The following BBX variants were observed in gnomAD, a reference collection of about 807,000 sequenced individuals.
The protein encoded by BBX is HMG box transcription factor BBX.
A neutral mutation model predicts 100.2 loss-of-function variants in BBX; 30 were observed. The ratio of observed to expected loss-of-function variants is 0.30; its 90% CI spans 0.22 to 0.41. The LOEUF (loss-of-function observed/expected upper bound fraction) is 0.41. BBX is among the 10% of genes least tolerant of loss of function. The pLI, the probability that BBX is intolerant of heterozygous loss-of-function variation, is 1.00. For missense variants in BBX, 1,023 were observed against 1,129.8 expected (o/e 0.91, Z 1.35); for synonymous variants, 376 against 388.1 (o/e 0.97, Z 0.37).
intron 2 of BBX, among the ~76,000 whole-genome samples, chr3:107,571,414 C>T (rs898462597): frequency 3.3e-5 from 5 of 152,064 alleles, no homozygotes; most frequent in African/African-American, 9.7e-5. Context: ...TGACTGGCGC[C>T]GGAGTTTTGG....
chr3:107,758,340 C>T (rs1290847477), intron 10 of BBX, among the ~76,000 whole-genome samples: 18 of 152,254 alleles, frequency 1.2e-4, no homozygotes, highest in Admixed American at 1.1e-3. Flanking sequence ...TGGAGAGACT[C>T]GGAATGGCCC....
intron 17 of BBX, among the ~76,000 whole-genome samples, chr3:107,803,959 T>TG (rs2070807064): frequency 6.6e-6 from 1 of 151,422 alleles, no homozygotes; most frequent in Non-Finnish European, 1.5e-5. Flanking sequence ...TTTTGTTTTT[T>TG]TTTTTCCTTT....
At chr3:107,551,479 C>T (rs562468236) in intron 2 of BBX, among the ~76,000 whole-genome samples, 5 of 152,284 alleles carry the variant, frequency 3.3e-5, no homozygotes, top group African/African-American at 9.6e-5. Flanking sequence ...AAGCATTCTT[C>T]GGAAAAACCG....
chr3:107,583,959 ATATATTATATATATTAT>A (rs1559839199), intron 2 of BBX, among the ~76,000 whole-genome samples: 10 of 78,576 alleles, frequency 1.3e-4, no homozygotes, highest in African/African-American at 6.0e-4. Context: ...ATTATATTAT[ATATATTATATATATTAT>A]TATATTATTA....
chr3:107,734,022 C>A (rs2063485891), intron 7 of BBX, among the ~76,000 whole-genome samples: 1 of 152,062 alleles, frequency 6.6e-6, no homozygotes, highest in African/African-American at 2.4e-5. Flanking sequence ...TTTTCAATCC[C>A]CAACCAGAAT....
At position 107,744,632 on chromosome 3, in the gene BBX, A is replaced by G. The variant is rs754335242; in HGVS notation, c.672A>G (p.Val224=). ...AGEHALGTPE[V]SSGTCRPDVS... is the part of the protein sequence containing the mutation. ...TATGATATCTTTCTTTGTTTCAGGTATCCTCTGGCACATGCAGGCCTGATG... is the reference window on the plus strand; with the variant it reads ...TATGATATCTTTCTTTGTTTCAGGTGTCCTCTGGCACATGCAGGCCTGATG... The change falls in exon 8 of 18, where the codon GTA becomes GTG. Residue 224 remains valine, a splice_region_variant and synonymous_variant. Transcript: ENST00000325805. The G allele has an allele frequency of 6.2e-7, 1 of 1,611,934 alleles. No homozygotes were observed. The highest frequency in any genetic ancestry group is 2.2e-5 in the East Asian group (1 of 44,802).
intron 2 of BBX, among the ~76,000 whole-genome samples, chr3:107,533,729 C>T (rs551110210): frequency 6.6e-6 from 1 of 152,164 alleles, no homozygotes; most frequent in South Asian, 2.1e-4. Context: ...AAAAATGTTT[C>T]TTATGTTTCT....
intron 2 of BBX, among the ~76,000 whole-genome samples, chr3:107,645,512 A>G (rs548634515): frequency 6.0e-4 from 92 of 152,154 alleles, no homozygotes; most frequent in African/African-American, 2.1e-3. Context: ...TTTCCAGGGG[A>G]TTTGCCTGTA....
chr3:107,588,204 C>T (rs1455145701), intron 2 of BBX, among the ~76,000 whole-genome samples: 1 of 152,078 alleles, frequency 6.6e-6, no homozygotes, highest in Non-Finnish European at 1.5e-5. Flanking sequence ...TCTGCTTGGT[C>T]AGCTAAGGCT....
At chr3:107,785,477 A>G (rs1305771607) in intron 13 of BBX, among the ~76,000 whole-genome samples, 1 of 152,080 alleles carries the variant, frequency 6.6e-6, no homozygotes, top group Non-Finnish European at 1.5e-5. Context: ...AGAATTATAC[A>G]TCATGACTAA....
chr3:107,801,274 G>T lies in BBX; in HGVS notation c.2731G>T (p.Val911Leu), dbSNP rs147479819. ...GGCTGAAGTGGCAGCCATGGAAAAT[G>T]TGCACAGGTTAGTGGTAGAAGGTGG... ...ALAEVAAMEN[V>L]HRGQRSTPLT... Residue 911 changes from valine (V) to leucine (L), a missense_variant, in exon 17 of 18, where the codon GTG becomes TTG. Coordinates refer to ENST00000325805, the MANE Select transcript of BBX (RefSeq NM_001142568.3). The T allele has an allele frequency of 6.2e-7, 1 of 1,613,966 alleles. No individual in the cohort carries two copies. Among genetic ancestry groups the T allele is most frequent in the Non-Finnish European group, 8.5e-7 (1 of 1,179,932 alleles).
intron 2 of BBX, among the ~76,000 whole-genome samples, chr3:107,604,058 G>A (rs969507429): frequency 2.6e-5 from 4 of 152,034 alleles, no homozygotes; most frequent in African/African-American, 4.8e-5. Flanking sequence ...GTGTAGCTGC[G>A]TATTGGAACC....
At chr3:107,541,033 T>C (rs1438307911) in intron 2 of BBX, among the ~76,000 whole-genome samples, 1 of 152,234 alleles carries the variant, frequency 6.6e-6, no homozygotes, top group Non-Finnish European at 1.5e-5. Flanking sequence ...TCTTTCTCCT[T>C]TAGTGGCTGG....
intron 3 of BBX, among the ~76,000 whole-genome samples, chr3:107,693,503 A>G (rs1172895611): frequency 6.6e-6 from 1 of 151,260 alleles, no homozygotes; most frequent in Non-Finnish European, 1.5e-5. Flanking sequence ...AAGATCAGAT[A>G]GTTGTAGATA....
At chr3:107,641,358 T>A (rs926069602) in intron 2 of BBX, among the ~76,000 whole-genome samples, 9 of 152,194 alleles carry the variant, frequency 5.9e-5, no homozygotes, top group African/African-American at 2.2e-4. Context: ...GTGCTGGGAT[T>A]ATAGGCGTCA....
intron 9 of BBX, among the ~76,000 whole-genome samples, chr3:107,749,748 C>T (rs2064921989): frequency 6.6e-6 from 1 of 152,030 alleles, no homozygotes. Context: ...ATTCTCCTGC[C>T]TCAGCCTCCT....
At chr3:107,691,145 G>A (rs187462576) in intron 3 of BBX, among the ~76,000 whole-genome samples, 122 of 151,914 alleles carry the variant, frequency 8.0e-4, no homozygotes, top group East Asian at 2.5e-3. Context: ...AGGCTCAAAC[G>A]ATTACTCCTG....
chr3:107,800,953 A>C (rs1437220319), intron 16 of BBX, 142 bp from the exon 17 acceptor site: 13 of 787,776 alleles, frequency 1.7e-5, no homozygotes, highest in Non-Finnish European at 2.2e-5. Context: ...GATTCTGTAA[A>C]AGCCTTAATA....
chr3:107,737,320 G>C (rs1473596135), intron 7 of BBX, among the ~76,000 whole-genome samples: 1 of 152,014 alleles, frequency 6.6e-6, no homozygotes, highest in African/African-American at 2.4e-5. Flanking sequence ...GAGAGAGAGA[G>C]AGAGAGAGAG....
Sources: allele counts gnomAD v4.1 joint callset (sites outside exome capture counted in the v4.1 genomes callset), GRCh38; gene constraint gnomAD v4.1.1; transcripts MANE v1.5; gene names NCBI Gene and HGNC (gene_info 2026-07-23, HGNC 2026-07-21).